The following ATP2B1 variants were observed in gnomAD, a reference collection of about 807,000 sequenced individuals.
ATP2B1 encodes the protein plasma membrane calcium-transporting ATPase 1.
Under a neutral mutation model 124.2 loss-of-function variants are expected in ATP2B1, and 14 were observed. The observed-to-expected ratio is 0.11, with a 90% confidence interval of 0.07 to 0.18. The LOEUF (loss-of-function observed/expected upper bound fraction) is 0.18, where lower values mean the gene tolerates loss of function less well. Among genes scored for constraint, ATP2B1 ranks in the 10% least tolerant of loss-of-function variants. The pLI is 1.00. For missense variants in ATP2B1, 763 were observed against 1,466.1 expected (o/e 0.52, Z 7.83); for synonymous variants, 449 against 492.4 (o/e 0.91, Z 1.17).
chr12:89,643,095 T>C (rs979718028), intron 2 of ATP2B1, among the ~76,000 whole-genome samples: 50 of 108,766 alleles, frequency 4.6e-4, no homozygotes, highest in Admixed American at 7.6e-4. Context: ...CACACACATA[T>C]ATACATACGT....
rs146103942 is a variant in ATP2B1 at position 89,707,114 on chromosome 12, G to C, written c.-222+1482C>G. 3.0e-3 allele frequency among the ~76,000 whole-genome samples: 459 copies of C among 152,216 alleles called. 3 individuals are homozygous for C. The highest frequency in any genetic ancestry group is 0.011 in the African/African-American group (447 of 41,530). ...AGGAGGACCCAAATGAAACGCACAA[G>C]TACAAAAAGCAGATTCTCCTCCAAT... On this transcript the variant is annotated intron_variant, in intron 1 of 20. Coordinates refer to ENST00000428670, the MANE Select transcript of ATP2B1 (RefSeq NM_001366521.1).
rs201493990 is a variant in ATP2B1 at position 89,606,333 on chromosome 12, ACT to A, written c.2443-1989_2443-1988del. On this transcript the variant is annotated intron_variant, in intron 15 of 20. Coordinates refer to ENST00000428670, the MANE Select transcript of ATP2B1 (RefSeq NM_001366521.1). Reference sequence around the variant, plus strand: ...TGATTCAGAGATATAAAGGTACATAACTAAGTAAAAGAAGCAGCTAAAACAGT... The same window carrying A: ...TGATTCAGAGATATAAAGGTACATAAAAGTAAAAGAAGCAGCTAAAACAGT... 8.5e-4 allele frequency among the ~76,000 whole-genome samples: 129 copies of A among 152,342 alleles called. 1 individual carries two copies. In the East Asian group the frequency reaches 0.02, roughly 24 times the overall value.
At chr12:89,700,374 C>CTA (rs1296211741) in intron 1 of ATP2B1, among the ~76,000 whole-genome samples, 7 of 152,078 alleles carry the variant, frequency 4.6e-5, no homozygotes, top group African/African-American at 1.7e-4. Context: ...TAGTTCTCCG[C>CTA]TATGGTATTA....
intron 10 of ATP2B1, 76 bp from the exon 11 acceptor site, chr12:89,620,316 C>G: frequency 6.8e-7 from 1 of 1,471,276 alleles, no homozygotes; most frequent in Non-Finnish European, 9.2e-7. Context: ...AAACAGACTG[C>G]GATATTCTAA....
rs571604248 is a variant in ATP2B1, at chr12:89,657,152, G to A, written c.-221-1045C>T. 3.9e-5 allele frequency among the ~76,000 whole-genome samples: 6 copies of A among 152,032 alleles called. No individual in the cohort carries two copies. The South Asian group carries it at 8.3e-4, about 21-fold the overall frequency. On this transcript the variant is annotated intron_variant, in intron 1 of 20. Coordinates refer to ENST00000428670, the MANE Select transcript of ATP2B1 (RefSeq NM_001366521.1). ...CCACCACCATTATCCTTACCACCTC[G>A]GCTAGGAATCTTAAATCATCTTTGA...
At chr12:89,704,917 G>A (rs1198393112) in intron 1 of ATP2B1, among the ~76,000 whole-genome samples, 2 of 152,066 alleles carry the variant, frequency 1.3e-5, no homozygotes, top group Admixed American at 1.3e-4. Context: ...TGAGTATACC[G>A]TATTCTGAAA....
At chr12:89,646,613 C>A (rs1884483941) in intron 2 of ATP2B1, among the ~76,000 whole-genome samples, 1 of 152,104 alleles carries the variant, frequency 6.6e-6, no homozygotes, top group African/African-American at 2.4e-5. Context: ...GAGTGACAGA[C>A]CAGAGAATGG....
intron 11 of ATP2B1, among the ~76,000 whole-genome samples, chr12:89,619,516 G>A (rs1303911812): frequency 6.6e-6 from 1 of 151,748 alleles, no homozygotes; most frequent in Non-Finnish European, 1.5e-5. Context: ...GGAGGCTGAG[G>A]CAGGAGAATC....
chr12:89,661,961 G>T (rs1368697196), intron 1 of ATP2B1, among the ~76,000 whole-genome samples: 1 of 152,152 alleles, frequency 6.6e-6, no homozygotes, highest in Non-Finnish European at 1.5e-5. Context: ...CTCAATCAGT[G>T]TGGACAAGCT....
At chr12:89,695,058 CAAAAAA>C (rs544087541) in intron 1 of ATP2B1, among the ~76,000 whole-genome samples, 1 of 111,198 alleles carries the variant, frequency 9.0e-6, no homozygotes, top group Admixed American at 9.9e-5. Context: ...GATGCTGTTT[CAAAAAA>C]AAAAAAAGAA....
Position 89,590,983 on chromosome 12 carries a change from A to G in ATP2B1, c.*1T>C. On this transcript the variant is annotated 3_prime_UTR_variant, in exon 21 of 21. Transcript: ENST00000428670. ...CTAGTGTGTTAACATTCAGCTTACA[A>G]TCAGAGTGATGTTTCCAAACTATGT... 6.2e-7 allele frequency: 1 copy of G among 1,610,518 alleles called. No homozygotes were observed. The highest frequency in any genetic ancestry group is 1.1e-5 in the South Asian group (1 of 90,896).
At chr12:89,595,931 C>T (rs1874501974) in intron 20 of ATP2B1, among the ~76,000 whole-genome samples, 1 of 152,098 alleles carries the variant, frequency 6.6e-6, no homozygotes, top group Non-Finnish European at 1.5e-5. Context: ...ACCTTTACTT[C>T]CCTGAAGTAT....
At position 89,695,724 on chromosome 12, in the gene ATP2B1, A is replaced by G. The variant is rs1261228247; in HGVS notation, c.-222+12872T>C. 3.9e-5 allele frequency among the ~76,000 whole-genome samples: 6 copies of G among 152,152 alleles called. No individual in the cohort carries two copies. In the East Asian group the frequency reaches 1.2e-3, roughly 29 times the overall value. On this transcript the variant is annotated intron_variant, in intron 1 of 20. Coordinates refer to ENST00000428670, the MANE Select transcript of ATP2B1 (RefSeq NM_001366521.1). ...CTCACTGGCATTTTTAAATAGTAAT[A>G]CCCATTTCCATTGGCTGCTTCTTAG...
chr12:89,647,940 T>G (rs1218332022), intron 2 of ATP2B1, among the ~76,000 whole-genome samples: 1 of 152,156 alleles, frequency 6.6e-6, no homozygotes, highest in African/African-American at 2.4e-5. Context: ...CTTCACCTTC[T>G]GCCATGAGTA....
At chr12:89,658,875 G>C (rs753347495) in intron 1 of ATP2B1, among the ~76,000 whole-genome samples, 4 of 152,136 alleles carry the variant, frequency 2.6e-5, no homozygotes, top group Non-Finnish European at 5.9e-5. Context: ...AGGAAGCCCA[G>C]ACAAAAGCAC....
At chr12:89,695,423 G>T (rs966799309) in intron 1 of ATP2B1, among the ~76,000 whole-genome samples, 9 of 151,886 alleles carry the variant, frequency 5.9e-5, no homozygotes, top group Non-Finnish European at 1.2e-4. Flanking sequence ...TTTTTTAAAA[G>T]AAAATATTTA....
chr12:89,678,840 T>C (rs1888997324), intron 1 of ATP2B1, among the ~76,000 whole-genome samples: 1 of 152,178 alleles, frequency 6.6e-6, no homozygotes, highest in African/African-American at 2.4e-5. Context: ...ACATGCATAC[T>C]AGCTGCTACT....
In ATP2B1 at chr12:89,601,329, G is replaced by A; in HGVS notation, c.3165C>T (p.Gly1055=). Reference sequence around the variant, plus strand: ...CAAAAACTGATGAAATTTTTACCTGGCCCCAGAGTAATGTTCCCATTCCTA... The same window carrying A: ...CAAAAACTGATGAAATTTTTACCTGACCCCAGAGTAATGTTCCCATTCCTA... ...IFLGMGTLLW[G]QLISTIPTSR... Residue 1055 remains glycine, a synonymous_variant, in exon 19 of 21, where the codon GGC becomes GGT. Coordinates refer to ENST00000428670, the MANE Select transcript of ATP2B1 (RefSeq NM_001366521.1). 6.5e-7 allele frequency: 1 copy of A among 1,549,908 alleles called. No homozygotes were observed. Among genetic ancestry groups the A allele is most frequent in the South Asian group, 1.2e-5 (1 of 80,328 alleles).
intron 2 of ATP2B1, among the ~76,000 whole-genome samples, chr12:89,649,099 C>T (rs1383966981): frequency 1.3e-5 from 2 of 152,262 alleles, no homozygotes; most frequent in South Asian, 2.1e-4. Context: ...AGTGAAACTC[C>T]ACTAGGGCAG....
Sources: allele counts gnomAD v4.1 joint callset (sites outside exome capture counted in the v4.1 genomes callset), GRCh38; gene constraint gnomAD v4.1.1; transcripts MANE v1.5; gene names NCBI Gene and HGNC (gene_info 2026-07-23, HGNC 2026-07-21).